The following EVC2 variants were observed in gnomAD, a reference collection of about 807,000 sequenced individuals.
The protein encoded by EVC2 is limbin.
EVC2 carries 148 observed loss-of-function variants against 149.3 expected under a neutral mutation model. The ratio of observed to expected loss-of-function variants is 0.99; its 90% confidence interval spans 0.87 to 1.14. EVC2 has a LOEUF of 1.14. Ranked by LOEUF, EVC2 falls within the 50% of genes most tolerant of loss-of-function variation. The pLI, the probability that EVC2 is intolerant of heterozygous loss-of-function variation, is 0.00. For synonymous variants in EVC2, 776 were observed against 649.9 expected (o/e 1.19, Z -2.95); for missense variants, 1,854 against 1,627.3 (o/e 1.14, Z -2.40).
chr4:5,706,335 T>C (rs1467118796), intron 1 of EVC2, among the ~76,000 whole-genome samples: 1 of 142,940 alleles, frequency 7.0e-6, no homozygotes, highest in African/African-American at 2.7e-5. Context: ...GATAGATAGA[T>C]AGATACATAG....
At chr4:5,684,421 T>TG (rs945745393) in intron 6 of EVC2, among the ~76,000 whole-genome samples, 8 of 152,208 alleles carry the variant, frequency 5.3e-5, no homozygotes, top group Non-Finnish European at 8.8e-5. Context: ...TTATGTGACC[T>TG]GGGGCAGTCA....
chr4:5,649,490 A>G (rs959381843), intron 9 of EVC2, among the ~76,000 whole-genome samples: 3 of 152,254 alleles, frequency 2.0e-5, no homozygotes, highest in Non-Finnish European at 4.4e-5. Context: ...AGAGAAGATG[A>G]CATTAATTCT....
chr4:5,565,185 G>C (rs969857246), intron 21 of EVC2, 73 bp downstream of exon 21: 1 of 1,438,272 alleles, frequency 7.0e-7, no homozygotes, highest in African/African-American at 1.4e-5. Context: ...GTCACCTCCT[G>C]CCTCCCCAGC....
At chr4:5,589,295 T>G (rs539821749) in intron 16 of EVC2, among the ~76,000 whole-genome samples, 6 of 152,330 alleles carry the variant, frequency 3.9e-5, no homozygotes, top group Admixed American at 3.9e-4. Context: ...GAATTGAGGC[T>G]TTCTAGTTTG....
chr4:5,604,492 A>G (rs1487135279), intron 16 of EVC2, among the ~76,000 whole-genome samples: 1 of 152,196 alleles, frequency 6.6e-6, no homozygotes, highest in Non-Finnish European at 1.5e-5. Flanking sequence ...ATACGTGAGC[A>G]AAAAGAACGG....
At chr4:5,691,207 G>T in intron 4 of EVC2, 58 bp downstream of exon 4, 2 of 1,479,856 alleles carry the variant, frequency 1.4e-6, no homozygotes, top group Non-Finnish European at 1.9e-6. Context: ...CTAATAAAAT[G>T]ATCTGGGCAA....
Position 5,618,268 on chromosome 4 carries a change from C to T in EVC2, c.2706+210G>A, listed in dbSNP as rs1023733507. ...AACAGCCCAGGCAACAGGATCAGGG[C>T]ACAGCACCAGCAGTGTCCACTATAG... On this transcript the variant is annotated intron_variant, in intron 15 of 21. Transcript: ENST00000344408. The surrounding 1 kb of genome is among the most constrained non-coding windows in gnomAD (Gnocchi z 4.4). Among the ~76,000 whole-genome samples the T allele has an allele frequency of 6.6e-6, 1 of 152,184 alleles. No homozygotes were observed. The highest frequency in any genetic ancestry group is 2.4e-5 in the African/African-American group (1 of 41,442).
At chr4:5,691,800 C>G (rs1249158090) in intron 3 of EVC2, among the ~76,000 whole-genome samples, 1 of 152,186 alleles carries the variant, frequency 6.6e-6, no homozygotes, top group East Asian at 1.9e-4. Context: ...GGAATCCCCC[C>G]ACCAATGCTT....
chr4:5,654,731 G>C (rs572386820), intron 9 of EVC2, among the ~76,000 whole-genome samples: 1 of 152,212 alleles, frequency 6.6e-6, no homozygotes, highest in Admixed American at 6.5e-5. Flanking sequence ...GTCCAGGGGT[G>C]TAAGGACACA....
intron 1 of EVC2, among the ~76,000 whole-genome samples, chr4:5,699,068 C>G (rs1035775393): frequency 8.5e-5 from 13 of 152,278 alleles, no homozygotes; most frequent in African/African-American, 3.1e-4. Flanking sequence ...GTGATGTAAC[C>G]CCAGCTGGGC....
rs758136576 is a variant in EVC2 at position 5,637,531 on chromosome 4, T to C, written c.1470+2983A>G. 6.6e-6 allele frequency among the ~76,000 whole-genome samples: 1 copy of C among 152,224 alleles called. No individual in the cohort carries two copies. The highest frequency in any genetic ancestry group is 2.4e-5 in the African/African-American group (1 of 41,460). ...AAGGATGAGCTGTTATTGTTACACATCGTATTTTTTAAGAGTATTTAATAA... is the reference window on the plus strand; with the variant it reads ...AAGGATGAGCTGTTATTGTTACACACCGTATTTTTTAAGAGTATTTAATAA... On this transcript the variant is annotated intron_variant, in intron 10 of 21. Transcript: ENST00000344408. This position sits in a 1 kb window ranked among gnomAD's most constrained non-coding sequence, Gnocchi z 4.4.
At chr4:5,642,763 T>G (rs1577197868) in intron 9 of EVC2, among the ~76,000 whole-genome samples, 1 of 152,222 alleles carries the variant, frequency 6.6e-6, no homozygotes, top group African/African-American at 2.4e-5. Flanking sequence ...CTTTGATAAT[T>G]TGATTTGGTG....
At chr4:5,598,453 A>T (rs1202086174) in intron 16 of EVC2, among the ~76,000 whole-genome samples, 1 of 152,146 alleles carries the variant, frequency 6.6e-6, no homozygotes, top group Non-Finnish European at 1.5e-5. Context: ...AACCTGAGAA[A>T]AACAAGCAAT....
At chr4:5,694,239 T>A (rs924018568) in intron 3 of EVC2, 96 bp downstream of exon 3, 4 of 1,335,966 alleles carry the variant, frequency 3.0e-6, no homozygotes, top group East Asian at 2.3e-5. Flanking sequence ...AGGGTTTTTT[T>A]AAGCAACAAA....
intron 16 of EVC2, among the ~76,000 whole-genome samples, chr4:5,598,644 A>T (rs1469918288): frequency 6.6e-6 from 1 of 152,186 alleles, no homozygotes; most frequent in Non-Finnish European, 1.5e-5. Context: ...ATTACCATTC[A>T]GGACATAGGC....
At position 5,703,569 on chromosome 4, in the gene EVC2, C is replaced by T. The variant is rs1377767964; in HGVS notation, c.228+4717G>A. ...ACTCTCAGCCCGGGTTCCAATCCCT[C>T]AGCCACTGCCTCACCACTTCCTGCC... On this transcript the variant is annotated intron_variant, in intron 1 of 21. Coordinates refer to ENST00000344408, the MANE Select transcript of EVC2 (RefSeq NM_147127.5). Among the ~76,000 whole-genome samples the T allele has an allele frequency of 1.8e-4, 27 of 152,310 alleles. No individual in the cohort carries two copies. In the East Asian group the frequency reaches 5.0e-3, roughly 28 times the overall value.
chr4:5,660,818 A>T (rs536698286), intron 9 of EVC2, among the ~76,000 whole-genome samples: 1 of 152,330 alleles, frequency 6.6e-6, no homozygotes, highest in East Asian at 1.9e-4. Flanking sequence ...CCTGAGCCTA[A>T]ATAGTGAGGA....
Position 5,689,205 on chromosome 4 carries a change from T to G in EVC2, c.658A>C (p.Asn220His), listed in dbSNP as rs756756836. The change falls in exon 5 of 22, where the codon AAC becomes CAC. Residue 220 changes from asparagine to histidine, a missense_variant. By Grantham distance (68) the Asn-to-His change is moderately conservative (BLOSUM62 1). Transcript: ENST00000344408. ...AGLTIWDSVG[N>H]RTSEGFQAFS... ...GCCTGGAATCCTTCCGAGGTCCTGTTTCCCACAGAGTCCCAAATGGTGAGA... is the reference window on the plus strand; with the variant it reads ...GCCTGGAATCCTTCCGAGGTCCTGTGTCCCACAGAGTCCCAAATGGTGAGA... 6.2e-7 allele frequency: 1 copy of G among 1,614,220 alleles called. No individual in the cohort carries two copies. The highest frequency in any genetic ancestry group is 1.1e-5 in the South Asian group (1 of 91,080).
intron 16 of EVC2, among the ~76,000 whole-genome samples, chr4:5,603,042 T>C (rs558758482): frequency 1.3e-5 from 2 of 152,216 alleles, no homozygotes; most frequent in African/African-American, 2.4e-5. Flanking sequence ...AAGGCATGCG[T>C]ATGTTTGATA....
Sources: allele counts gnomAD v4.1 joint callset (sites outside exome capture counted in the v4.1 genomes callset), GRCh38; gene constraint gnomAD v4.1.1; non-coding constraint Gnocchi (gnomAD v3.1); transcripts MANE v1.5; gene names NCBI Gene and HGNC (gene_info 2026-07-23, HGNC 2026-07-21).